Variants in XRCC4 observed in about 807,000 individuals in gnomAD.
The protein encoded by XRCC4 is DNA repair protein XRCC4.
In XRCC4, 28 loss-of-function variants were observed where a neutral mutation model predicts 39.1. The observed-to-expected ratio is 0.72, with a 90% CI of 0.53 to 0.98. The LOEUF (loss-of-function observed/expected upper bound fraction) is 0.98, where lower values mean the gene tolerates loss of function less well. Ranked by LOEUF, XRCC4 falls within the 50% of genes least tolerant of loss-of-function variation. XRCC4 has a pLI of 0.00. For synonymous variants in XRCC4, 123 were observed against 126.4 expected, an observed-to-expected ratio of 0.97 and a Z score of 0.18; for missense variants, 350 against 376.4, an observed-to-expected ratio of 0.93 and a Z score of 0.58.
intron 7 of XRCC4, among the ~76,000 whole-genome samples, chr5:83,266,069 T>C (rs1753943664): frequency 6.6e-6 from 1 of 152,038 alleles, no homozygotes; most frequent in Admixed American, 6.6e-5. Context: ...GACTTTGATA[T>C]GTACAATTTC....
At chr5:83,352,187 A>T (rs918540655) in intron 7 of XRCC4, among the ~76,000 whole-genome samples, 1 of 152,202 alleles carries the variant, frequency 6.6e-6, no homozygotes, top group Admixed American at 6.5e-5. Flanking sequence ...TTCAAGTCCC[A>T]TGCTTTCTCA....
intron 7 of XRCC4, among the ~76,000 whole-genome samples, chr5:83,337,661 C>T (rs572753213): frequency 6.6e-6 from 1 of 152,284 alleles, no homozygotes; most frequent in South Asian, 2.1e-4. Flanking sequence ...GGAGCAAAGA[C>T]AAGCCATCCA....
At chr5:83,253,187 C>A (rs1333500145) in intron 6 of XRCC4, among the ~76,000 whole-genome samples, 1 of 152,076 alleles carries the variant, frequency 6.6e-6, no homozygotes, top group Non-Finnish European at 1.5e-5. Context: ...GGTATTGTTG[C>A]CCTGCAGCCC....
At position 83,306,026 on chromosome 5, in the gene XRCC4, T is replaced by C. The variant is rs139142902; in HGVS notation, c.894-47105T>C. ...AGTATAAGGATATATTTTGCAATAG[T>C]TTTTAGGCAACAGTTTTTGCTCAGT... On this transcript the variant is annotated intron_variant, in intron 7 of 7. Transcript: ENST00000396027. Among the ~76,000 whole-genome samples, 952 of 152,252 alleles carry C rather than the reference T, an allele frequency of 6.3e-3. 8 individuals are homozygous for C. The highest frequency in any genetic ancestry group is 0.021 in the African/African-American group (891 of 41,558).
intron 1 of XRCC4, among the ~76,000 whole-genome samples, chr5:83,102,602 A>T (rs1745993994): frequency 6.6e-6 from 1 of 152,084 alleles, no homozygotes; most frequent in South Asian, 2.1e-4. Context: ...TGTTTCCCAC[A>T]CATCTCATAT....
chr5:83,162,970 A>T (rs1454867820), intron 3 of XRCC4, among the ~76,000 whole-genome samples: 12 of 132,530 alleles, frequency 9.1e-5, no homozygotes, highest in African/African-American at 3.6e-4. Flanking sequence ...TTTTTGAGAC[A>T]GAAGAGTCTG....
intron 6 of XRCC4, among the ~76,000 whole-genome samples, chr5:83,230,963 G>A (rs1275772015): frequency 1.3e-5 from 2 of 151,466 alleles, no homozygotes; most frequent in Non-Finnish European, 2.9e-5. Context: ...CTGCCTGCTT[G>A]TTTAAAACTC....
chr5:83,343,725 T>G (rs943835191), intron 7 of XRCC4, among the ~76,000 whole-genome samples: 7 of 152,088 alleles, frequency 4.6e-5, no homozygotes, highest in African/African-American at 1.7e-4. Context: ...CCACTATTTC[T>G]TGCTAAACCT....
At chr5:83,339,038 C>T (rs1756678469) in intron 7 of XRCC4, among the ~76,000 whole-genome samples, 1 of 151,194 alleles carries the variant, frequency 6.6e-6, no homozygotes, top group Non-Finnish European at 1.5e-5. Flanking sequence ...TGTGTCCCCA[C>T]AGCTTGTGTT....
rs141866965 is a variant in XRCC4, at chr5:83,242,158, C to G, written c.746-16372C>G. ...ATGTTGCCCAAGGGTCACTCGTATA[C>G]ACATTGTGTGTGTGTGTGTGTGTGT... On this transcript the variant is annotated intron_variant, in intron 6 of 7. Transcript: ENST00000396027. Among the ~76,000 whole-genome samples, 266 of 128,124 alleles carry G rather than the reference C, an allele frequency of 2.1e-3. 2 individuals are homozygous for G. The highest frequency in any genetic ancestry group is 7.8e-3 in the African/African-American group (259 of 33,256). The allele number at this position is 128,124 out of a possible 152,430, so 84.1% of individuals were successfully genotyped here. A position where few individuals can be genotyped will look rare whatever the true frequency, so the allele number is the denominator to read the frequency against.
At chr5:83,331,418 C>T (rs1360510144) in intron 7 of XRCC4, among the ~76,000 whole-genome samples, 1 of 151,958 alleles carries the variant, frequency 6.6e-6, no homozygotes, top group East Asian at 1.9e-4. Flanking sequence ...AGGAATTGAT[C>T]AACAGGAACT....
chr5:83,190,202 C>G (rs1750632652), intron 3 of XRCC4, among the ~76,000 whole-genome samples: 1 of 152,092 alleles, frequency 6.6e-6, no homozygotes, highest in African/African-American at 2.4e-5. Flanking sequence ...AGGAACATAG[C>G]TAGGTCAAGG....
intron 6 of XRCC4, among the ~76,000 whole-genome samples, chr5:83,230,446 G>C (rs1752455330): frequency 6.6e-6 from 1 of 152,030 alleles, no homozygotes; most frequent in Admixed American, 6.6e-5. Flanking sequence ...TTTATGGCAT[G>C]ATATGTGTGA....
At chr5:83,271,306 C>G (rs1350490457) in intron 7 of XRCC4, among the ~76,000 whole-genome samples, 10 of 152,102 alleles carry the variant, frequency 6.6e-5, no homozygotes, top group African/African-American at 2.2e-4. Flanking sequence ...ATTATGTACT[C>G]TAAGAATCCT....
intron 3 of XRCC4, among the ~76,000 whole-genome samples, chr5:83,138,811 G>A (rs747373133): frequency 2.0e-5 from 3 of 152,028 alleles, no homozygotes; most frequent in Non-Finnish European, 4.4e-5. Context: ...GGAATTGCTC[G>A]TAGTGACTAG....
At chr5:83,263,658 T>C (rs572165761) in intron 7 of XRCC4, among the ~76,000 whole-genome samples, 12 of 151,588 alleles carry the variant, frequency 7.9e-5, no homozygotes, top group Admixed American at 5.2e-4. Context: ...GAGAAGTGTC[T>C]GTTCATGTCC....
At chr5:83,306,330 TATTA>T (rs1297644475) in intron 7 of XRCC4, among the ~76,000 whole-genome samples, 1 of 152,144 alleles carries the variant, frequency 6.6e-6, no homozygotes, top group Non-Finnish European at 1.5e-5. Flanking sequence ...ATTTACCCAA[TATTA>T]ATTCATCATT....
At chr5:83,105,953 A>G (rs567900421) in intron 2 of XRCC4, among the ~76,000 whole-genome samples, 1 of 152,244 alleles carries the variant, frequency 6.6e-6, no homozygotes, top group African/African-American at 2.4e-5. Flanking sequence ...AGCGTTATGA[A>G]TTATGTTATA....
At chr5:83,093,119 G>GA in intron 1 of XRCC4, among the ~76,000 whole-genome samples, 1 of 151,672 alleles carries the variant, frequency 6.6e-6, no homozygotes, top group Non-Finnish European at 1.5e-5. Context: ...TGAAGAAATG[G>GA]AAAAAGATAT....
Sources: gnomAD v4.1 joint callset for allele counts (sites outside exome capture counted in the v4.1 genomes callset) on GRCh38, gnomAD v4.1.1 for gene constraint, MANE v1.5 for transcripts, NCBI Gene and HGNC (gene_info 2026-07-23, HGNC 2026-07-21) for gene names.